The following ARL15 variants were observed in gnomAD, a reference collection of about 807,000 sequenced individuals.
ARL15 encodes ARF like GTPase 15.
ARL15 carries 19 observed loss-of-function variants against 25.2 expected under a neutral mutation model. That is an observed-to-expected ratio of 0.75 (90% CI 0.53 to 1.10). ARL15 has a LOEUF of 1.10. Among genes scored for constraint, ARL15 ranks in the 50% least tolerant of loss-of-function variants. The probability of loss-of-function intolerance (pLI) is 0.00; values close to 1 mark genes in which losing one functional copy is unlikely to be tolerated. For missense variants in ARL15, 220 were observed against 246.0 expected (o/e 0.89, Z 0.71); for synonymous variants, 94 against 86.8 (o/e 1.08, Z -0.46).
intron 4 of ARL15, among the ~76,000 whole-genome samples, chr5:54,105,382 A>T (rs1013803618): frequency 1.3e-5 from 2 of 152,140 alleles, no homozygotes; most frequent in Non-Finnish European, 2.9e-5. Flanking sequence ...CTACAACAAC[A>T]CAAATACATA....
In ARL15 at chr5:54,279,584, C is replaced by T. The variant is rs201886098; in HGVS notation, c.48+30848G>A. Among the ~76,000 whole-genome samples, 15 of 152,308 alleles carry T rather than the reference C, an allele frequency of 9.8e-5. 1 individual carries two copies. The East Asian group carries it at 2.9e-3, about 29-fold the overall frequency. ...AAGGCCCCATCCCCAAACATCATCA[C>T]ATTCGGAGTCAGGGCTTCAACACAT... is the stretch of plus-strand genomic sequence containing the variant. On this transcript the variant is annotated intron_variant, in intron 1 of 4. Coordinates refer to ENST00000504924, the MANE Select transcript of ARL15 (RefSeq NM_019087.3).
At chr5:53,951,544 C>A (rs1304165200) in intron 4 of ARL15, 1 of 470,978 alleles carries the variant, frequency 2.1e-6, no homozygotes, top group Non-Finnish European at 4.4e-6. Context: ...TTCTTTAGAT[C>A]ACACAAATTT....
intron 4 of ARL15, among the ~76,000 whole-genome samples, chr5:54,059,606 A>C (rs1751001897): frequency 6.6e-6 from 1 of 152,330 alleles, no homozygotes; most frequent in East Asian, 1.9e-4. Context: ...GGAAAGATAT[A>C]CACTAAAGTT....
At chr5:54,114,418 A>AAAAAAAAAAAAG (rs1432474611) in intron 3 of ARL15, among the ~76,000 whole-genome samples, 1 of 148,124 alleles carries the variant, frequency 6.8e-6, no homozygotes, top group African/African-American at 2.4e-5. Context: ...AAAAAAAAAA[A>AAAAAAAAAAAAG]AAAAGCAACA....
chr5:54,067,186 G>A (rs1163715412), intron 4 of ARL15: 1 of 152,528 alleles, frequency 6.6e-6, no homozygotes, highest in Non-Finnish European at 1.5e-5. Flanking sequence ...GCTTCACACG[G>A]GTGTTATTAT....
At chr5:54,158,765 T>A (rs1265936166) in intron 2 of ARL15, among the ~76,000 whole-genome samples, 3 of 152,024 alleles carry the variant, frequency 2.0e-5, no homozygotes, top group African/African-American at 7.2e-5. Flanking sequence ...CCCAGCTACT[T>A]GGGAGGCTGA....
At chr5:54,249,175 A>G (rs1258396498) in intron 1 of ARL15, among the ~76,000 whole-genome samples, 2 of 152,242 alleles carry the variant, frequency 1.3e-5, no homozygotes, top group African/African-American at 4.8e-5. Context: ...AATGATCAGT[A>G]GTATCATAAC....
intron 1 of ARL15, among the ~76,000 whole-genome samples, chr5:54,273,918 G>T (rs1757855190): frequency 6.6e-6 from 1 of 152,104 alleles, no homozygotes; most frequent in African/African-American, 2.4e-5. Context: ...AAATGACCAG[G>T]CAATTCTAAG....
At chr5:54,020,791 T>TAAAAAA (rs146286288) in intron 4 of ARL15, among the ~76,000 whole-genome samples, 2 of 147,830 alleles carry the variant, frequency 1.4e-5, no homozygotes, top group African/African-American at 5.0e-5. Context: ...TAATAAAAAT[T>TAAAAAA]AAAAGAAAAA....
chr5:53,910,370 C>T (rs1745409212), intron 4 of ARL15, among the ~76,000 whole-genome samples: 1 of 152,052 alleles, frequency 6.6e-6, no homozygotes, highest in African/African-American at 2.4e-5. Flanking sequence ...CACTTTATGG[C>T]ATTTCAATAC....
At chr5:54,064,205 G>GC (rs1248985708) in intron 4 of ARL15, among the ~76,000 whole-genome samples, 1 of 148,988 alleles carries the variant, frequency 6.7e-6, no homozygotes, top group Non-Finnish European at 1.5e-5. Flanking sequence ...GACTGGGCAA[G>GC]TAAAAAAAGA....
chr5:53,951,599 CT>C (rs1561162752), intron 4 of ARL15: 1 of 466,520 alleles, frequency 2.1e-6, no homozygotes, highest in Admixed American at 2.5e-5. Flanking sequence ...CTTCACATAA[CT>C]TTTTGGAAAA....
intron 3 of ARL15, among the ~76,000 whole-genome samples, chr5:54,121,428 T>C (rs1316999848): frequency 6.6e-6 from 1 of 152,076 alleles, no homozygotes; most frequent in Non-Finnish European, 1.5e-5. Context: ...AAGCATAAAA[T>C]AGTGAATGGC....
At chr5:54,264,679 C>A (rs1360192518) in intron 1 of ARL15, among the ~76,000 whole-genome samples, 2 of 152,094 alleles carry the variant, frequency 1.3e-5, no homozygotes, top group Non-Finnish European at 2.9e-5. Context: ...TGTCTTAGGA[C>A]CTTTGCATAG....
intron 4 of ARL15, among the ~76,000 whole-genome samples, chr5:54,015,314 AAAACAAAC>A (rs530643976): frequency 6.6e-6 from 1 of 151,808 alleles, no homozygotes; most frequent in African/African-American, 2.4e-5. Context: ...AACAAAAACA[AAAACAAAC>A]AAACAAACAA....
rs116963727 is a variant in ARL15 at position 53,914,262 on chromosome 5, A to G, written c.463-27549T>C. 1.1e-3 allele frequency among the ~76,000 whole-genome samples: 165 copies of G among 152,274 alleles called. 2 individuals are homozygous for G. The East Asian group carries it at 0.023, about 22-fold the overall frequency. On this transcript the variant is annotated intron_variant, in intron 4 of 4. Transcript: ENST00000504924. ...TTGGTGGTATAGCAGTCTATCCTCCAAAGATTTACAATCTAAATCGTGTAG... is the reference window on the plus strand; with the variant it reads ...TTGGTGGTATAGCAGTCTATCCTCCGAAGATTTACAATCTAAATCGTGTAG...
intron 1 of ARL15, among the ~76,000 whole-genome samples, chr5:54,281,564 A>T (rs938865069): frequency 6.6e-6 from 1 of 152,206 alleles, no homozygotes; most frequent in African/African-American, 2.4e-5. Context: ...GCCTCAACCC[A>T]TAAGATGACA....
At chr5:54,103,618 G>C (rs1346092719) in intron 4 of ARL15, among the ~76,000 whole-genome samples, 2 of 152,096 alleles carry the variant, frequency 1.3e-5, no homozygotes, top group Non-Finnish European at 2.9e-5. Flanking sequence ...TATGTACACT[G>C]GAAGAGTGGC....
At chr5:53,907,479 T>TATATATATATATAC (rs1745295107) in intron 4 of ARL15, among the ~76,000 whole-genome samples, 1 of 35,214 alleles carries the variant, frequency 2.8e-5, no homozygotes, top group African/African-American at 1.3e-4. Flanking sequence ...TATATATATA[T>TATATATATATATAC]ATATATATAT....
Sources: allele counts gnomAD v4.1 joint callset (sites outside exome capture counted in the v4.1 genomes callset), GRCh38; gene constraint gnomAD v4.1.1; transcripts MANE v1.5; gene names NCBI Gene and HGNC (gene_info 2026-07-23, HGNC 2026-07-21).